The following MDFIC2 variants were observed in gnomAD, a reference collection of about 807,000 sequenced individuals.
The protein encoded by MDFIC2 is myoD family inhibitor domain-containing protein 2.
In MDFIC2 at chr3:70,293,551, A is replaced by G. The variant is rs1277455336; in HGVS notation, c.88+18335T>C. Among the ~76,000 whole-genome samples the G allele has an allele frequency of 2.0e-5, 3 of 152,064 alleles. 1 individual carries two copies. Among genetic ancestry groups the G allele is most frequent in the Admixed American group, 2.0e-4 (3 of 15,262 alleles). Reference sequence around the variant, plus strand: ...GAAGGAAATCTTAAGTTTTAGTTAGAGGTTGTGAAAATAAAACATCTGTGC... The same window carrying G: ...GAAGGAAATCTTAAGTTTTAGTTAGGGGTTGTGAAAATAAAACATCTGTGC... On this transcript the variant is annotated intron_variant, in intron 2 of 3. Transcript: ENST00000567252.
chr3:70,274,551 C>G (rs1051938908), intron 2 of MDFIC2, among the ~76,000 whole-genome samples: 42 of 152,222 alleles, frequency 2.8e-4, no homozygotes, highest in African/African-American at 9.9e-4. Flanking sequence ...ACACTGCATG[C>G]TCTCACTTAT....
In MDFIC2 at chr3:70,219,819, G is replaced by T. The variant is rs151273792; in HGVS notation, c.89-13029C>A. Among the ~76,000 whole-genome samples, 1,428 of 152,206 alleles carry T rather than the reference G, an allele frequency of 9.4e-3. 21 individuals carry two copies. The highest frequency in any genetic ancestry group is 0.032 in the African/African-American group (1,346 of 41,514). On this transcript the variant is annotated intron_variant, in intron 2 of 3. Transcript: ENST00000567252. ...AGAATTCAAGTTATGATGGCAAAAT[G>T]ATGCCAAACTCAAAGGTCAGAACAT...
chr3:70,207,462 A>G (rs1157044253), intron 2 of MDFIC2, among the ~76,000 whole-genome samples: 1 of 152,048 alleles, frequency 6.6e-6, no homozygotes, highest in African/African-American at 2.4e-5. Flanking sequence ...GGGAATTTCT[A>G]GCGAAGTTCT....
chr3:70,206,992 C>A (rs1267511115), intron 2 of MDFIC2, among the ~76,000 whole-genome samples: 2 of 149,458 alleles, frequency 1.3e-5, no homozygotes, highest in African/African-American at 4.9e-5. Context: ...ATACACATTG[C>A]AAACTTTACC....
rs1216283997 is a variant in MDFIC2 at position 70,194,541 on chromosome 3, T to A, written c.*2385A>T. Among the ~76,000 whole-genome samples, 4 of 152,234 alleles carry A rather than the reference T, an allele frequency of 2.6e-5. No individual in the cohort carries two copies. The highest frequency in any genetic ancestry group is 5.9e-5 in the Non-Finnish European group (4 of 68,040). ...AAGAAAAGAAATTTCACACTTTGTA[T>A]AACCGACCCTTTCTGTTATAGCACA... On this transcript the variant is annotated 3_prime_UTR_variant, in exon 4 of 4. Transcript: ENST00000567252.
Position 70,218,197 on chromosome 3 carries a change from A to G in MDFIC2, c.89-11407T>C, listed in dbSNP as rs142387501. On this transcript the variant is annotated intron_variant, in intron 2 of 3. Transcript: ENST00000567252. ...ATATGTATACCTGGAGGAGGTGCAA[A>G]CCTATGCAATGGGGTTAAAACACTT... 9.5e-3 allele frequency among the ~76,000 whole-genome samples: 1,444 copies of G among 152,266 alleles called. 21 individuals carry two copies. Among genetic ancestry groups the G allele is most frequent in the African/African-American group, 0.033 (1,363 of 41,560 alleles).
intron 2 of MDFIC2, among the ~76,000 whole-genome samples, chr3:70,277,161 T>C (rs2106677689): frequency 6.6e-6 from 1 of 152,322 alleles, no homozygotes; most frequent in East Asian, 1.9e-4. Context: ...ACTTTCCTGA[T>C]AGGCTCCTAA....
At chr3:70,260,466 C>T (rs1443613174) in intron 2 of MDFIC2, among the ~76,000 whole-genome samples, 1 of 152,050 alleles carries the variant, frequency 6.6e-6, no homozygotes, top group South Asian at 2.1e-4. Flanking sequence ...TTTTTACATC[C>T]CCTCAGTTCA....
At chr3:70,221,461 A>G (rs1576160256) in intron 2 of MDFIC2, among the ~76,000 whole-genome samples, 1 of 152,144 alleles carries the variant, frequency 6.6e-6, no homozygotes, top group Non-Finnish European at 1.5e-5. Flanking sequence ...GAATTTGGGC[A>G]TTTGGATTCT....
intron 2 of MDFIC2, among the ~76,000 whole-genome samples, chr3:70,309,033 C>G (rs1008600295): frequency 3.9e-5 from 6 of 152,110 alleles, no homozygotes; most frequent in Non-Finnish European, 8.8e-5. Context: ...GAGAAAAACA[C>G]TTTTTTGAAC....
At chr3:70,284,518 C>T (rs1702121278) in intron 2 of MDFIC2, among the ~76,000 whole-genome samples, 1 of 152,112 alleles carries the variant, frequency 6.6e-6, no homozygotes, top group African/African-American at 2.4e-5. Flanking sequence ...CAATGATAGA[C>T]TGGATCAAGA....
chr3:70,301,768 A>G (rs1702350974), intron 2 of MDFIC2, among the ~76,000 whole-genome samples: 4 of 152,056 alleles, frequency 2.6e-5, no homozygotes, highest in Admixed American at 2.6e-4. Flanking sequence ...TTCATATTTT[A>G]TGGAATTTAT....
chr3:70,199,878 C>T (rs563612598), intron 3 of MDFIC2, among the ~76,000 whole-genome samples: 4 of 152,248 alleles, frequency 2.6e-5, no homozygotes, highest in African/African-American at 7.2e-5. Flanking sequence ...GCCTGCTGCA[C>T]GTCTCTTCTG....
chr3:70,280,162 C>T (rs766517113), intron 2 of MDFIC2, among the ~76,000 whole-genome samples: 20 of 152,108 alleles, frequency 1.3e-4, no homozygotes, highest in Non-Finnish European at 2.6e-4. Context: ...GTGACTGCTG[C>T]ACTCCAATCT....
At chr3:70,295,873 T>A (rs148007942) in intron 2 of MDFIC2, among the ~76,000 whole-genome samples, 46 of 152,298 alleles carry the variant, frequency 3.0e-4, no homozygotes, top group African/African-American at 1.1e-3. Context: ...GAAATGTGCC[T>A]CCCACTTGAT....
chr3:70,209,111 C>G (rs565371019), intron 2 of MDFIC2, among the ~76,000 whole-genome samples: 1 of 152,062 alleles, frequency 6.6e-6, no homozygotes, highest in Non-Finnish European at 1.5e-5. Context: ...ACTTGGGTAT[C>G]AAGGCATCCA....
intron 2 of MDFIC2, among the ~76,000 whole-genome samples, chr3:70,260,671 A>G (rs1701857750): frequency 6.6e-6 from 1 of 152,042 alleles, no homozygotes; most frequent in African/African-American, 2.4e-5. Flanking sequence ...TGCCCTCTTT[A>G]TACAGCTGTT....
At chr3:70,259,298 T>C (rs751653187) in intron 2 of MDFIC2, among the ~76,000 whole-genome samples, 1 of 152,120 alleles carries the variant, frequency 6.6e-6, no homozygotes, top group African/African-American at 2.4e-5. Flanking sequence ...CATTTATCCA[T>C]TTAAAGAAAG....
Position 70,195,327 on chromosome 3 carries a change from C to T in MDFIC2, c.*1599G>A, listed in dbSNP as rs1337238808. On this transcript the variant is annotated 3_prime_UTR_variant, in exon 4 of 4. Transcript: ENST00000567252. Reference sequence around the variant, plus strand: ...ATGGAAGGTGTGGGGCACTTTCATGCTCCGTGGTTTGTGAATAACATGGTC... The same window carrying T: ...ATGGAAGGTGTGGGGCACTTTCATGTTCCGTGGTTTGTGAATAACATGGTC... 6.6e-6 allele frequency among the ~76,000 whole-genome samples: 1 copy of T among 152,136 alleles called. No homozygotes were observed. The highest frequency in any genetic ancestry group is 6.5e-5 in the Admixed American group (1 of 15,274).
Sources: allele counts gnomAD v4.1 joint callset (sites outside exome capture counted in the v4.1 genomes callset), GRCh38; gene constraint gnomAD v4.1.1; transcripts MANE v1.5; gene names NCBI Gene and HGNC (gene_info 2026-07-23, HGNC 2026-07-21).